LRRC1: variants seen among roughly 807,000 people sequenced by gnomAD.
LRRC1 encodes leucine rich repeat containing 1, also known as leucine-rich repeat-containing protein 1.
Under a neutral mutation model 69.9 loss-of-function variants are expected in LRRC1, and 28 were observed. The observed-to-expected ratio is 0.40, with a 90% confidence interval of 0.30 to 0.55. The LOEUF is 0.55. Ranked by LOEUF, LRRC1 falls within the 20% of genes least tolerant of loss-of-function variation. LRRC1 has a pLI of 0.47. For missense variants in LRRC1, 498 were observed against 609.0 expected (o/e 0.82, Z 1.92); for synonymous variants, 236 against 240.2 (o/e 0.98, Z 0.16).
chr6:53,799,662 AT>A (rs1278994064), intron 1 of LRRC1, among the ~76,000 whole-genome samples: 2 of 152,228 alleles, frequency 1.3e-5, no homozygotes, highest in African/African-American at 4.8e-5. Context: ...TTAAAGTTTA[AT>A]ATATCCAGCT....
At chr6:53,853,714 G>C (rs1766220340) in intron 2 of LRRC1, among the ~76,000 whole-genome samples, 1 of 152,234 alleles carries the variant, frequency 6.6e-6, no homozygotes, top group South Asian at 2.1e-4. Flanking sequence ...AGCATTGCCA[G>C]AAGTGTAGTG....
intron 1 of LRRC1, among the ~76,000 whole-genome samples, chr6:53,832,915 C>G (rs1393665620): frequency 1.3e-5 from 2 of 152,090 alleles, no homozygotes; most frequent in Non-Finnish European, 2.9e-5. Flanking sequence ...TCCCTTAACC[C>G]TAAAACATAG....
rs1765257709 is a variant in LRRC1, at chr6:53,826,347, A to G, written c.160-15763A>G. Among the ~76,000 whole-genome samples the G allele has an allele frequency of 2.0e-5, 3 of 152,228 alleles. No homozygotes were observed. In the South Asian group the frequency reaches 6.2e-4, roughly 32 times the overall value. ...TTTATGTTAATAGAGGAACCTCCCC[A>G]GTCTTTCCAAGCCAGCTTGAAATAA... is the stretch of plus-strand genomic sequence containing the variant. On this transcript the variant is annotated intron_variant, in intron 1 of 13. Transcript: ENST00000370888.
intron 3 of LRRC1, among the ~76,000 whole-genome samples, chr6:53,882,623 C>T (rs760802569): frequency 2.6e-5 from 4 of 152,058 alleles, no homozygotes; most frequent in African/African-American, 9.7e-5. Flanking sequence ...TTAGAGCTTG[C>T]ATATCTTTCT....
intron 1 of LRRC1, among the ~76,000 whole-genome samples, chr6:53,799,686 G>C (rs893327467): frequency 1.3e-5 from 2 of 152,184 alleles, no homozygotes; most frequent in African/African-American, 4.8e-5. Flanking sequence ...GATCTGTTAA[G>C]GGAATATCCA....
At chr6:53,828,084 T>C (rs556989433) in intron 1 of LRRC1, among the ~76,000 whole-genome samples, 4 of 150,158 alleles carry the variant, frequency 2.7e-5, no homozygotes, top group East Asian at 2.0e-4. Context: ...CATGTGGAAG[T>C]GCATTCTGAG....
chr6:53,923,318 G>C lies in LRRC1; in HGVS notation c.*525G>C. On this transcript the variant is annotated 3_prime_UTR_variant, in exon 14 of 14. Transcript: ENST00000370888. ...TTTTTGTTATTTTATCTTGAAAACG[G>C]TACATATTTTAGTATTTGTGCAGAA... is the stretch of plus-strand genomic sequence containing the variant. 6.6e-6 allele frequency: 1 copy of C among 152,542 alleles called. No individual in the cohort carries two copies. Among genetic ancestry groups the C allele is most frequent in the East Asian group, 1.9e-4 (1 of 5,192 alleles). The allele number at this position is 152,542 out of a possible 1,614,324, so 9.4% of individuals were successfully genotyped here. A position where few individuals can be genotyped will look rare whatever the true frequency, so the allele number is the denominator to read the frequency against.
chr6:53,919,241 T>A (rs955167905), intron 11 of LRRC1: 1 of 188,234 alleles, frequency 5.3e-6, no homozygotes, highest in Non-Finnish European at 1.0e-5. Context: ...TTTTTTTTTT[T>A]TTTTTTTTTT....
At chr6:53,812,641 G>GAT (rs1429515216) in intron 1 of LRRC1, among the ~76,000 whole-genome samples, 1 of 136,720 alleles carries the variant, frequency 7.3e-6, no homozygotes, top group Non-Finnish European at 1.5e-5. Flanking sequence ...AGTGAGCCGA[G>GAT]ATCGCGCCAC....
intron 1 of LRRC1, among the ~76,000 whole-genome samples, chr6:53,800,505 G>A (rs974995956): frequency 2.6e-5 from 4 of 151,740 alleles, no homozygotes; most frequent in African/African-American, 7.3e-5. Context: ...GCCTGCCTCC[G>A]TCTCCTAAAG....
intron 1 of LRRC1, among the ~76,000 whole-genome samples, chr6:53,818,922 T>G (rs1765032698): frequency 6.6e-6 from 1 of 152,186 alleles, no homozygotes; most frequent in African/African-American, 2.4e-5. Flanking sequence ...AATGCTTTAA[T>G]ACAATGAATG....
intron 4 of LRRC1, among the ~76,000 whole-genome samples, chr6:53,885,926 A>G (rs1767460361): frequency 6.6e-6 from 1 of 151,794 alleles, no homozygotes; most frequent in Non-Finnish European, 1.5e-5. Context: ...TTACTACTCT[A>G]CTCTGCCATT....
chr6:53,879,195 A>T, intron 3 of LRRC1, 124 bp downstream of exon 3: 2 of 638,474 alleles, frequency 3.1e-6, no homozygotes, highest in Non-Finnish European at 5.5e-6. Flanking sequence ...TTTATCAAGG[A>T]TGGTTGACTT....
At chr6:53,859,079 C>A (rs1766411990) in intron 2 of LRRC1, among the ~76,000 whole-genome samples, 2 of 152,076 alleles carry the variant, frequency 1.3e-5, no homozygotes, top group Admixed American at 1.3e-4. Context: ...AGATTCTTGG[C>A]TAAGAGAGGA....
intron 5 of LRRC1, 67 bp downstream of exon 5, chr6:53,896,621 A>G: frequency 7.1e-7 from 1 of 1,409,386 alleles, no homozygotes; most frequent in African/African-American, 1.4e-5. Context: ...AAAAAACAGG[A>G]CTACAGTATT....
chr6:53,896,274 CTT>C (rs1189815635), intron 4 of LRRC1, among the ~76,000 whole-genome samples: 1 of 152,102 alleles, frequency 6.6e-6, no homozygotes, highest in African/African-American at 2.4e-5. Context: ...ACACACTACT[CTT>C]TTATTAATTA....
chr6:53,798,518 A>G (rs4712046), intron 1 of LRRC1, among the ~76,000 whole-genome samples: 89 of 152,324 alleles, frequency 5.8e-4, no homozygotes, highest in Admixed American at 5.3e-3. Flanking sequence ...AGCTGGGACT[A>G]CAGGTGCCCA....
chr6:53,840,927 T>TGC (rs1554181920), intron 1 of LRRC1, among the ~76,000 whole-genome samples: 17,885 of 132,222 alleles, frequency 0.14, 1,397 homozygotes, highest in Admixed American at 0.16. Context: ...TGTGTGTGTG[T>TGC]GCGTGCGCGC....
At chr6:53,803,347 T>C (rs1764540586) in intron 1 of LRRC1, among the ~76,000 whole-genome samples, 1 of 152,208 alleles carries the variant, frequency 6.6e-6, no homozygotes. Flanking sequence ...CACTGAAGTC[T>C]AGGGCAAGTT....
Sources: allele counts gnomAD v4.1 joint callset (sites outside exome capture counted in the v4.1 genomes callset), GRCh38; gene constraint gnomAD v4.1.1; transcripts MANE v1.5; gene names NCBI Gene and HGNC (gene_info 2026-07-23, HGNC 2026-07-21).